Variants in RNF4 observed in about 807,000 individuals in gnomAD.
The protein encoded by RNF4 is ring finger protein 4, also known as E3 ubiquitin-protein ligase RNF4.
RNF4 carries 7 observed loss-of-function variants against 24.3 expected under a neutral mutation model. The observed-to-expected ratio is 0.29, with a 90% CI of 0.16 to 0.54. RNF4 has a LOEUF of 0.54. Among genes scored for constraint, RNF4 ranks in the 20% least tolerant of loss-of-function variants. The pLI is 0.95. For synonymous variants in RNF4, 83 were observed against 84.3 expected (o/e 0.98, Z 0.09); for missense variants, 209 against 248.5 (o/e 0.84, Z 1.07).
chr4:2,511,737 A>G (rs1736274488), intron 4 of RNF4, among the ~76,000 whole-genome samples: 1 of 152,206 alleles, frequency 6.6e-6, no homozygotes, highest in Non-Finnish European at 1.5e-5. Flanking sequence ...GGAGAGACAC[A>G]GCACATCAGC....
intron 1 of RNF4, among the ~76,000 whole-genome samples, chr4:2,488,315 T>C (rs928551579): frequency 1.3e-5 from 2 of 152,072 alleles, no homozygotes; most frequent in East Asian, 3.9e-4. Flanking sequence ...AGTAGAAAAA[T>C]TAGCCTGGTG....
intron 4 of RNF4, among the ~76,000 whole-genome samples, chr4:2,503,846 T>A (rs1735988511): frequency 6.6e-6 from 1 of 152,154 alleles, no homozygotes; most frequent in Admixed American, 6.5e-5. Context: ...TCGAATAGTT[T>A]GAGTGCACTG....
intron 3 of RNF4, 27 bp downstream of exon 3, chr4:2,497,148 G>C (rs775364915): frequency 1.7e-5 from 26 of 1,544,536 alleles, no homozygotes; most frequent in Non-Finnish European, 8.0e-6. Flanking sequence ...CACTACAACT[G>C]TGGGGTGTTA....
At chr4:2,490,127 A>C (rs904572155) in intron 1 of RNF4, among the ~76,000 whole-genome samples, 1 of 152,138 alleles carries the variant, frequency 6.6e-6, no homozygotes, top group Non-Finnish European at 1.5e-5. Context: ...GAGGTGGCAT[A>C]ATAATTACAA....
At position 2,515,511 on chromosome 4, in the gene RNF4, G is replaced by A. The variant is rs118120598; in HGVS notation, c.*1692G>A. The A allele has an allele frequency of 6.6e-6, 1 of 152,260 alleles. No homozygotes were observed. Among genetic ancestry groups the A allele is most frequent in the African/African-American group, 2.4e-5 (1 of 41,454 alleles). The allele number at this position is 152,260 out of a possible 1,614,324, so 9.4% of individuals were successfully genotyped here. A position where few individuals can be genotyped will look rare whatever the true frequency, so the allele number is the denominator to read the frequency against. ...CATCACGGCAATGTCACGATGCCCA[G>A]ACTTGGAGCAAGGCAACCTTGGAGT... On this transcript the variant is annotated 3_prime_UTR_variant, in exon 8 of 8. Transcript: ENST00000314289.
chr4:2,510,189 G>A (rs969665283), intron 4 of RNF4, among the ~76,000 whole-genome samples: 15 of 152,318 alleles, frequency 9.8e-5, no homozygotes, highest in African/African-American at 3.4e-4. Flanking sequence ...CTGCATGGCC[G>A]TTTGTGTATG....
In RNF4 at chr4:2,512,707, A is replaced by G; in HGVS notation, c.374+110A>G. On this transcript the variant is annotated intron_variant, in intron 6 of 7. Coordinates refer to ENST00000314289, the MANE Select transcript of RNF4 (RefSeq NM_002938.5). The surrounding 1 kb of genome is among the most constrained non-coding windows in gnomAD (Gnocchi z 4.1). ...CCTTGGCCCTGGAAGGGCTTGCCCAAGCCTCTACCCAGCATCTGGATACAG... is the reference window on the plus strand; with the variant it reads ...CCTTGGCCCTGGAAGGGCTTGCCCAGGCCTCTACCCAGCATCTGGATACAG... The G allele has an allele frequency of 3.1e-6, 4 of 1,275,324 alleles. No individual in the cohort carries two copies. The highest frequency in any genetic ancestry group is 1.5e-5 in the South Asian group (1 of 68,430). 79.0% of individuals were successfully genotyped at this position (1,275,324 alleles called of 1,614,324 possible). A position where few individuals can be genotyped will look rare whatever the true frequency, so the allele number is the denominator to read the frequency against.
At chr4:2,478,134 G>C (rs1735136241) in intron 1 of RNF4, among the ~76,000 whole-genome samples, 1 of 152,122 alleles carries the variant, frequency 6.6e-6, no homozygotes, top group Admixed American at 6.5e-5. Flanking sequence ...AGAGATTTGT[G>C]GAACTTTGAA....
At chr4:2,498,620 A>G (rs1735808828) in intron 3 of RNF4, among the ~76,000 whole-genome samples, 1 of 152,168 alleles carries the variant, frequency 6.6e-6, no homozygotes, top group South Asian at 2.1e-4. Flanking sequence ...TTTTATATAA[A>G]TTATATTGTA....
At chr4:2,491,973 C>T (rs1030919980) in intron 2 of RNF4, among the ~76,000 whole-genome samples, 1 of 151,400 alleles carries the variant, frequency 6.6e-6, no homozygotes, top group African/African-American at 2.4e-5. Flanking sequence ...CCGAGGTGGG[C>T]GGATCACGAG....
chr4:2,504,577 G>A (rs1736012922), intron 4 of RNF4, among the ~76,000 whole-genome samples: 1 of 149,002 alleles, frequency 6.7e-6, no homozygotes, highest in Non-Finnish European at 1.5e-5. Flanking sequence ...TTGAGACAGA[G>A]TCTTGCACTG....
At chr4:2,499,473 T>C in intron 3 of RNF4, 1 of 324,562 alleles carries the variant, frequency 3.1e-6, no homozygotes, top group Non-Finnish European at 6.1e-6. Context: ...ACGGAGTTTC[T>C]CCATGTTGGT....
rs1166837725 is a variant in RNF4, at chr4:2,512,762, T to G, written c.374+165T>G. On this transcript the variant is annotated intron_variant, in intron 6 of 7. Coordinates refer to ENST00000314289, the MANE Select transcript of RNF4 (RefSeq NM_002938.5). The surrounding 1 kb of genome is among the most constrained non-coding windows in gnomAD (Gnocchi z 4.1). ...AACTGGGTCCAGAACTGAGTCCAGC[T>G]ATTCCCACTGTAACCAGAGGATGCC... Among the ~76,000 whole-genome samples the G allele has an allele frequency of 2.6e-5, 4 of 152,216 alleles. No individual in the cohort carries two copies. The highest frequency in any genetic ancestry group is 9.6e-5 in the African/African-American group (4 of 41,458).
Position 2,500,732 on chromosome 4 carries a change from T to C in RNF4, c.198T>C (p.Ser66=), listed in dbSNP as rs1339150542. The change falls in exon 4 of 8, where the codon TCT becomes TCC. Residue 66 remains serine, a synonymous_variant. Transcript: ENST00000314289. ...PVVVDLTHND[S]VVIVDERRRP... is the part of the protein sequence containing the mutation. ...TGGTTGATCTGACTCACAATGACTCTGTTGTGGTAAGTGTTGGAGTGTGAG... is the reference window on the plus strand; with the variant it reads ...TGGTTGATCTGACTCACAATGACTCCGTTGTGGTAAGTGTTGGAGTGTGAG... The C allele has an allele frequency of 6.8e-6, 11 of 1,613,864 alleles. No homozygotes were observed. The highest frequency in any genetic ancestry group is 9.3e-6 in the Non-Finnish European group (11 of 1,179,808).
intron 2 of RNF4, chr4:2,490,771 G>C: frequency 2.6e-6 from 1 of 384,462 alleles, no homozygotes; most frequent in Non-Finnish European, 4.7e-6. Flanking sequence ...CACAACAGTT[G>C]TCAGTGTCAT....
chr4:2,515,623 G>A lies in RNF4; in HGVS notation c.*1804G>A, dbSNP rs1179510122. 6 of 152,512 alleles carry A rather than the reference G, an allele frequency of 3.9e-5. No individual in the cohort carries two copies. Among genetic ancestry groups the A allele is most frequent in the African/African-American group, 1.4e-4 (6 of 41,454 alleles). The allele number at this position is 152,512 out of a possible 1,614,324, so 9.4% of individuals were successfully genotyped here. A position where few individuals can be genotyped will look rare whatever the true frequency, so the allele number is the denominator to read the frequency against. ...ACTTCAGTGGTTAATTATAAAAGTT[G>A]TGTTACTTCGTCCTAAATTAAATTG... On this transcript the variant is annotated 3_prime_UTR_variant, in exon 8 of 8. Coordinates refer to ENST00000314289, the MANE Select transcript of RNF4 (RefSeq NM_002938.5).
chr4:2,476,576 T>TA (rs1238755647), intron 1 of RNF4, among the ~76,000 whole-genome samples: 2 of 152,122 alleles, frequency 1.3e-5, no homozygotes, highest in African/African-American at 4.8e-5. Context: ...GTATCTTTAC[T>TA]AGAGATGGGG....
chr4:2,483,812 A>T (rs1735313632), intron 1 of RNF4, among the ~76,000 whole-genome samples: 1 of 151,902 alleles, frequency 6.6e-6, no homozygotes, highest in African/African-American at 2.4e-5. Flanking sequence ...TCAAAAAAAA[A>T]TTATTTGTTT....
intron 1 of RNF4, among the ~76,000 whole-genome samples, chr4:2,471,525 G>C (rs704350): frequency 0.86 from 130,777 of 152,190 alleles, 56,316 homozygotes; most frequent in African/African-American, 0.91. Flanking sequence ...TACTTTAAGT[G>C]AAGTTAAGAA....
Sources: allele counts gnomAD v4.1 joint callset (sites outside exome capture counted in the v4.1 genomes callset), GRCh38; gene constraint gnomAD v4.1.1; non-coding constraint Gnocchi (gnomAD v3.1); transcripts MANE v1.5; gene names NCBI Gene and HGNC (gene_info 2026-07-23, HGNC 2026-07-21).